ADAM19: variants seen among roughly 807,000 people sequenced by gnomAD.
ADAM19 encodes disintegrin and metalloproteinase domain-containing protein 19.
Under a neutral mutation model 114.7 loss-of-function variants are expected in ADAM19, and 65 were observed. The ratio of observed to expected loss-of-function variants is 0.57; its 90% confidence interval spans 0.46 to 0.70. The LOEUF is 0.70. ADAM19 is among the 30% of genes least tolerant of loss of function. ADAM19 has a pLI of 0.00. For synonymous variants in ADAM19, 466 were observed against 460.5 expected, an observed-to-expected ratio of 1.01 and a Z score of -0.15; for missense variants, 1,063 against 1,204.7, an observed-to-expected ratio of 0.88 and a Z score of 1.74.
intron 3 of ADAM19, among the ~76,000 whole-genome samples, chr5:157,561,409 T>C (rs1292482183): frequency 1.3e-5 from 2 of 152,182 alleles, no homozygotes; most frequent in African/African-American, 4.8e-5. Flanking sequence ...TTTGATTTGA[T>C]GGGAGAAGGC....
intron 5 of ADAM19, among the ~76,000 whole-genome samples, chr5:157,524,908 G>T (rs917798405): frequency 6.6e-6 from 1 of 152,220 alleles, no homozygotes; most frequent in Admixed American, 6.5e-5. Flanking sequence ...CAAGCAAAGC[G>T]CAAAGTGTTT....
At chr5:157,536,126 G>A (rs1004679305) in intron 4 of ADAM19, among the ~76,000 whole-genome samples, 2 of 152,204 alleles carry the variant, frequency 1.3e-5, no homozygotes, top group African/African-American at 4.8e-5. Flanking sequence ...TGGTTAAGAA[G>A]GCAGCACTGG....
intron 3 of ADAM19, among the ~76,000 whole-genome samples, chr5:157,540,230 T>C (rs530259683): frequency 1.3e-5 from 2 of 152,222 alleles, no homozygotes; most frequent in Non-Finnish European, 1.5e-5. Context: ...CTCTCTAACT[T>C]TCCCCAGCCA....
At chr5:157,511,799 G>A (rs1027521813) in intron 8 of ADAM19, among the ~76,000 whole-genome samples, 7 of 152,174 alleles carry the variant, frequency 4.6e-5, no homozygotes, top group African/African-American at 7.2e-5. Context: ...TCCCTTACCC[G>A]CCAGGAGTGA....
intron 2 of ADAM19, chr5:157,566,664 A>C (rs1487869097): frequency 6.6e-6 from 1 of 152,180 alleles, no homozygotes; most frequent in Non-Finnish European, 1.5e-5. Flanking sequence ...TTTAAACATA[A>C]GCTCTCTATT....
chr5:157,497,800 CGAA>C (rs1755413504), intron 13 of ADAM19, among the ~76,000 whole-genome samples: 1 of 152,184 alleles, frequency 6.6e-6, no homozygotes, highest in South Asian at 2.1e-4. Context: ...GGGCAAAGGG[CGAA>C]GAGTCTTACA....
intron 1 of ADAM19, among the ~76,000 whole-genome samples, chr5:157,572,922 T>G (rs959499976): frequency 1.3e-5 from 2 of 152,110 alleles, no homozygotes; most frequent in African/African-American, 4.8e-5. Flanking sequence ...TGGTGGCGCA[T>G]GCCTGTAATC....
At chr5:157,544,787 G>A (rs1370269132) in intron 3 of ADAM19, among the ~76,000 whole-genome samples, 5 of 152,220 alleles carry the variant, frequency 3.3e-5, no homozygotes, top group Admixed American at 6.5e-5. Context: ...AAAATGGTGA[G>A]TAGGAACAAC....
Position 157,496,921 on chromosome 5 carries a change from C to T in ADAM19, c.1567G>A (p.Glu523Lys). The T allele has an allele frequency of 6.3e-7, 1 of 1,593,238 alleles. No homozygotes were observed. The highest frequency in any genetic ancestry group is 8.5e-7 in the Non-Finnish European group (1 of 1,171,148). Residue 523 changes from glutamate to lysine, a missense_variant, in exon 14 of 23, where the codon GAG becomes AAG. Coordinates refer to ENST00000257527, the MANE Select transcript of ADAM19 (RefSeq NM_033274.5). ...GGTCCCCACAGCTGCTGGCACTGCT[C>T]CTGGTAGGTGAGGCACATGCCGTTG... The part of the protein sequence containing the change: ...CYNGMCLTYQ[E>K]QCQQLWGPGA...
chr5:157,547,993 T>C (rs1757094798), intron 3 of ADAM19, among the ~76,000 whole-genome samples: 1 of 152,208 alleles, frequency 6.6e-6, no homozygotes, highest in Admixed American at 6.5e-5. Context: ...TCTTCTCTCA[T>C]CATTTCCTTC....
At chr5:157,547,689 A>T (rs1757085715) in intron 3 of ADAM19, among the ~76,000 whole-genome samples, 3 of 152,204 alleles carry the variant, frequency 2.0e-5, no homozygotes, top group Admixed American at 2.0e-4. Flanking sequence ...TACTTATTCA[A>T]GCTAGAAACT....
chr5:157,480,590 T>C lies in ADAM19; in HGVS notation c.*359A>G, dbSNP rs1754716202. The C allele has an allele frequency of 3.7e-6, 4 of 1,094,044 alleles. No individual in the cohort carries two copies. Among genetic ancestry groups the C allele is most frequent in the Admixed American group, 4.7e-5 (1 of 21,482 alleles). 67.8% of individuals were successfully genotyped at this position (1,094,044 alleles called of 1,614,324 possible). On this transcript the variant is annotated 3_prime_UTR_variant, in exon 23 of 23. Coordinates refer to ENST00000257527, the MANE Select transcript of ADAM19 (RefSeq NM_033274.5). ...ACCCCAGGAGTGAATGGATGGCTTCTGCAAGCGAAGTGCTGGCCTGAGGGG... is the reference window on the plus strand; with the variant it reads ...ACCCCAGGAGTGAATGGATGGCTTCCGCAAGCGAAGTGCTGGCCTGAGGGG...
chr5:157,482,320 T>C (rs552801175), intron 21 of ADAM19, among the ~76,000 whole-genome samples: 6 of 152,364 alleles, frequency 3.9e-5, no homozygotes, highest in African/African-American at 1.4e-4. Context: ...GTCAGATGGA[T>C]AGATTGCAAA....
At chr5:157,494,818 T>C in intron 14 of ADAM19, 23 bp from the exon 15 acceptor site, 1 of 1,592,964 alleles carries the variant, frequency 6.3e-7, no homozygotes, top group Non-Finnish European at 8.6e-7. Flanking sequence ...GCAACATCTA[T>C]CAGTATACTC....
Position 157,488,271 on chromosome 5 carries a change from A to C in ADAM19, c.2544T>G (p.Val848=). The change falls in exon 21 of 23, where the codon GTT becomes GTG. Residue 848 remains valine, a synonymous_variant. Coordinates refer to ENST00000257527, the MANE Select transcript of ADAM19 (RefSeq NM_033274.5). ...TTGCTGATTATCCACTTACCTGGGA[A>C]ACGATGCAATTTGGTGCGGGGGGAA... ...RPIPPAPNCI[V]SQDFSRPRPP... 6.2e-7 allele frequency: 1 copy of C among 1,612,258 alleles called. No individual in the cohort carries two copies. The highest frequency in any genetic ancestry group is 8.5e-7 in the Non-Finnish European group (1 of 1,178,412).
chr5:157,532,281 G>T (rs957815638), intron 4 of ADAM19, among the ~76,000 whole-genome samples: 1 of 152,216 alleles, frequency 6.6e-6, no homozygotes. Context: ...CCTTCGTGGG[G>T]CTTATGGTCT....
At chr5:157,564,631 G>C (rs187573036) in intron 2 of ADAM19, among the ~76,000 whole-genome samples, 188 bp from the exon 3 acceptor site, 11 of 152,266 alleles carry the variant, frequency 7.2e-5, no homozygotes, top group African/African-American at 2.2e-4. Context: ...TCCCCCATCT[G>C]CTTTCTCCTG....
Position 157,562,425 on chromosome 5 carries a change from T to C in ADAM19, c.251+1948A>G, listed in dbSNP as rs757483680. Among the ~76,000 whole-genome samples the C allele has an allele frequency of 1.5e-4, 23 of 152,340 alleles. 1 individual carries two copies. The highest frequency in any genetic ancestry group is 7.8e-4 in the Admixed American group (12 of 15,302). ...CCCGGGCTCTCCTCTGGAGCCTCAG[T>C]GTGGGACAATAAAAATCCCAACAGT... On this transcript the variant is annotated intron_variant, in intron 3 of 22. Coordinates refer to ENST00000257527, the MANE Select transcript of ADAM19 (RefSeq NM_033274.5).
At chr5:157,559,547 G>C (rs567103844) in intron 3 of ADAM19, among the ~76,000 whole-genome samples, 1 of 152,198 alleles carries the variant, frequency 6.6e-6, no homozygotes, top group Non-Finnish European at 1.5e-5. Context: ...GAAAGGACAG[G>C]ATATGGCGCT....
Sources: allele counts gnomAD v4.1 joint callset (sites outside exome capture counted in the v4.1 genomes callset), GRCh38; gene constraint gnomAD v4.1.1; transcripts MANE v1.5; gene names NCBI Gene and HGNC (gene_info 2026-07-23, HGNC 2026-07-21).